The following KDM6A variants were observed in gnomAD, a reference collection of about 807,000 sequenced individuals.
KDM6A encodes the protein lysine-specific demethylase 6A.
A neutral mutation model predicts 117.6 loss-of-function variants in KDM6A; 11 were observed. That is an observed-to-expected ratio of 0.09 (90% CI 0.06 to 0.15). The LOEUF is 0.15. Among genes scored for constraint, KDM6A ranks in the 10% least tolerant of loss-of-function variants. The probability of loss-of-function intolerance (pLI) is 1.00; values close to 1 mark genes in which losing one functional copy is unlikely to be tolerated. For missense variants in KDM6A, 799 were observed against 1,077.3 expected, an observed-to-expected ratio of 0.74 and a Z score of 3.62; for synonymous variants, 384 against 396.1, an observed-to-expected ratio of 0.97 and a Z score of 0.36.
intron 4 of KDM6A, among the ~76,000 whole-genome samples, chrX:44,997,809 A>T (rs187388351): frequency 1.8e-5 from 2 of 112,505 alleles, no homozygotes; most frequent in South Asian, 3.7e-4. Flanking sequence ...TTTTTAAAGG[A>T]TAGACAGGAA....
At chrX:45,042,261 GA>G (rs1251517278) in intron 8 of KDM6A, among the ~76,000 whole-genome samples, 3 of 9,816 alleles carry the variant, frequency 3.1e-4, no homozygotes, top group African/African-American at 1.9e-3. Context: ...CGTGGAGGGA[GA>G]GGGGAGAGGG....
chrX:45,019,551 C>T (rs1019487091), intron 5 of KDM6A, among the ~76,000 whole-genome samples: 5 of 111,802 alleles, frequency 4.5e-5, no homozygotes, highest in African/African-American at 1.3e-4. Flanking sequence ...TATGATGTTT[C>T]GAACTATTTT....
chrX:44,906,196 G>GACACCACTTTCT (rs2034647632), intron 2 of KDM6A, among the ~76,000 whole-genome samples: 1 of 110,999 alleles, frequency 9.0e-6, no homozygotes, highest in Non-Finnish European at 1.9e-5. Context: ...TGTAGCTCAG[G>GACACCACTTTCT]CTGGAGTGCA....
At chrX:44,956,511 C>A (rs767879090) in intron 2 of KDM6A, among the ~76,000 whole-genome samples, 14 of 110,806 alleles carry the variant, frequency 1.3e-4, no homozygotes, top group South Asian at 7.7e-4. Flanking sequence ...GCCATCCTCC[C>A]GCTTCAAGCT....
chrX:44,947,398 T>G (rs2037708530), intron 2 of KDM6A, among the ~76,000 whole-genome samples: 1 of 109,533 alleles, frequency 9.1e-6, no homozygotes, highest in South Asian at 3.9e-4. Flanking sequence ...AGAATTTTTT[T>G]TTTTTTTTTG....
rs868220594 is a variant in KDM6A, at chrX:44,963,467, G to C, written c.334+2075G>C. On this transcript the variant is annotated intron_variant, in intron 3 of 29. Transcript: ENST00000611820. ...TGTGTGTGTGTGTGTGTGTGTGTGT[G>C]TGTGTGTGTGTGTGTGTGTCTGTCT... 4.0e-3 allele frequency among the ~76,000 whole-genome samples: 123 copies of C among 30,376 alleles called. 2 individuals are homozygous for C. Among genetic ancestry groups the C allele is most frequent in the South Asian group, 2.5e-3 (1 of 404 alleles). 26.4% of individuals were successfully genotyped at this position (30,376 alleles called of 115,157 possible).
intron 8 of KDM6A, among the ~76,000 whole-genome samples, chrX:45,049,876 G>C (rs1342216892): frequency 8.9e-6 from 1 of 112,705 alleles, no homozygotes; most frequent in Non-Finnish European, 1.9e-5. Context: ...TTTCACTACT[G>C]TGTAGTCTTA....
At chrX:45,027,369 C>CACACA (rs1267742257) in intron 6 of KDM6A, among the ~76,000 whole-genome samples, 1 of 92,768 alleles carries the variant, frequency 1.1e-5, no homozygotes, top group African/African-American at 6.0e-5. Context: ...ACACACACAC[C>CACACA]CGCCCGTCTC....
In KDM6A at chrX:45,111,396, A is replaced by C; in HGVS notation, c.4347A>C (p.Pro1449=). The C allele has an allele frequency of 8.3e-7, 1 of 1,200,214 alleles. No individual in the cohort carries two copies. The highest frequency in any genetic ancestry group is 1.1e-6 in the Non-Finnish European group (1 of 885,598). The change falls in exon 30 of 30, where the codon CCA becomes CCC. Residue 1449 remains proline, a synonymous_variant. Transcript: ENST00000611820. ...YDQFTLAPPL[P]SASS is the part of the protein sequence containing the mutation. ...TTTATTTTCAGGCTCCTCCATTACC[A>C]TCCGCCTCATCTTGATATTGTTCCA...
intron 2 of KDM6A, among the ~76,000 whole-genome samples, chrX:44,895,457 C>CTTTTTTTTTTTTTTT (rs1225560971): frequency 1.2e-5 from 1 of 81,734 alleles, no homozygotes; most frequent in African/African-American, 4.7e-5. Context: ...TTATTGATTG[C>CTTTTTTTTTTTTTTT]TTTTTTTTTT....
intron 20 of KDM6A, among the ~76,000 whole-genome samples, chrX:45,078,781 TG>T (rs1450344339): frequency 9.0e-6 from 1 of 111,010 alleles, no homozygotes; most frequent in Non-Finnish European, 1.9e-5. Context: ...TACATAATTG[TG>T]ATTTAGGTTA....
At chrX:44,931,231 A>AT (rs1180986803) in intron 2 of KDM6A, among the ~76,000 whole-genome samples, 1 of 110,455 alleles carries the variant, frequency 9.1e-6, no homozygotes, top group African/African-American at 3.3e-5. Flanking sequence ...TGCCTGGCCA[A>AT]TTTTTTGTAT....
chrX:44,923,716 CTGATTGAT>C (rs779070881), intron 2 of KDM6A, among the ~76,000 whole-genome samples: 1 of 108,307 alleles, frequency 9.2e-6, no homozygotes, highest in Non-Finnish European at 1.9e-5. Flanking sequence ...TCATGCCTGG[CTGATTGAT>C]TGATTGATTG....
At chrX:44,962,952 C>T (rs778309009) in intron 3 of KDM6A, among the ~76,000 whole-genome samples, 14 of 111,369 alleles carry the variant, frequency 1.3e-4, no homozygotes, top group Non-Finnish European at 2.1e-4. Context: ...TGAACTTTGT[C>T]GCATCAGTGG....
At chrX:45,030,059 G>T (rs972738000) in intron 6 of KDM6A, among the ~76,000 whole-genome samples, 3 of 110,932 alleles carry the variant, frequency 2.7e-5, no homozygotes, top group African/African-American at 9.8e-5. Context: ...CCATTTACGG[G>T]CTCAGACCAC....
chrX:45,020,290 A>G (rs1040695691), intron 5 of KDM6A, among the ~76,000 whole-genome samples: 1 of 111,560 alleles, frequency 9.0e-6, no homozygotes, highest in African/African-American at 3.3e-5. Context: ...CCTCTAGGAA[A>G]TTTCAGAAAC....
At chrX:44,999,307 A>G (rs1275449802) in intron 4 of KDM6A, among the ~76,000 whole-genome samples, 1 of 112,099 alleles carries the variant, frequency 8.9e-6, no homozygotes, top group Non-Finnish European at 1.9e-5. Flanking sequence ...CACTTGGACA[A>G]GGGAGGGGAA....
chrX:45,009,492 T>C (rs2147574942), intron 4 of KDM6A, among the ~76,000 whole-genome samples: 1 of 111,620 alleles, frequency 9.0e-6, no homozygotes, highest in South Asian at 3.8e-4. Context: ...GTGACCTGTA[T>C]CTTGTGCCAA....
chrX:44,942,782 G>T (rs969615809), intron 2 of KDM6A, among the ~76,000 whole-genome samples: 3 of 109,529 alleles, frequency 2.7e-5, no homozygotes, highest in Non-Finnish European at 5.7e-5. Flanking sequence ...TTTCTTCCGG[G>T]GGTTGGGGCA....
Sources: gnomAD v4.1 joint callset for allele counts (sites outside exome capture counted in the v4.1 genomes callset) on GRCh38, gnomAD v4.1.1 for gene constraint, MANE v1.5 for transcripts, NCBI Gene and HGNC (gene_info 2026-07-23, HGNC 2026-07-21) for gene names.